POLD1: variants seen among roughly 807,000 people sequenced by gnomAD.
The protein encoded by POLD1 is DNA polymerase delta 1, catalytic subunit.
A neutral mutation model predicts 129.7 loss-of-function variants in POLD1; 79 were observed. That is an observed-to-expected ratio of 0.61 (90% confidence interval 0.51 to 0.73). The LOEUF is 0.73. Ranked by LOEUF, POLD1 falls within the 30% of genes least tolerant of loss-of-function variation. The pLI, the probability that POLD1 is intolerant of heterozygous loss-of-function variation, is 0.00. For synonymous variants in POLD1, 714 were observed against 683.3 expected (o/e 1.04, Z -0.70); for missense variants, 1,338 against 1,595.8 (o/e 0.84, Z 2.75).
rs2038680003 is a variant in POLD1, at chr19:50,402,333, A to G, written c.718A>G (p.Ser240Gly). The G allele has an allele frequency of 6.2e-6, 10 of 1,610,680 alleles. No individual in the cohort carries two copies. The highest frequency in any genetic ancestry group is 8.5e-6 in the Non-Finnish European group (10 of 1,177,644). The change falls in exon 6 of 27, where the codon AGC (serine) becomes GGC (glycine). Residue 240 changes from serine to glycine, a missense_variant. Ser to Gly is a moderately conservative substitution (Grantham distance 56). Coordinates refer to ENST00000440232, the MANE Select transcript of POLD1 (RefSeq NM_002691.4). ...CCGTGTGGCAGGCCTGGGCACGCCC[A>G]GCTTCGCGCCCTACGAGGCCAACGT... is the stretch of plus-strand genomic sequence containing the variant. ...GIRVAGLGTP[S>G]FAPYEANVDF...
rs777119526 is a variant in POLD1 at position 50,409,680 on chromosome 19, C to T, written c.2154+14C>T. ...GAGATCTCACAGGTGGGCACTCGGG[C>T]CCCTGGAAGGCAACTGGGGGCAGGT... On this transcript the variant is annotated intron_variant, in intron 17 of 26. Transcript: ENST00000440232. The surrounding 1 kb of genome is among the most constrained non-coding windows in gnomAD (Gnocchi z 5.8). 3.8e-6 allele frequency: 6 copies of T among 1,581,322 alleles called. No homozygotes were observed. Among genetic ancestry groups the T allele is most frequent in the Non-Finnish European group, 5.2e-6 (6 of 1,163,768 alleles).
At position 50,407,266 on chromosome 19, in the gene POLD1, C is replaced by G. The variant is rs2038929667; in HGVS notation, c.1687-61C>G. 3.2e-6 allele frequency: 5 copies of G among 1,549,802 alleles called. No individual in the cohort carries two copies. The Admixed American group carries it at 8.7e-5, about 27-fold the overall frequency. Reference sequence around the variant, plus strand: ...GCATCCTGGATGCACTTTTTCTCCCCACTCCCAATCCGCACGGCCCCACCT... The same window carrying G: ...GCATCCTGGATGCACTTTTTCTCCCGACTCCCAATCCGCACGGCCCCACCT... On this transcript the variant is annotated intron_variant, in intron 13 of 26. Coordinates refer to ENST00000440232, the MANE Select transcript of POLD1 (RefSeq NM_002691.4).
At position 50,417,914 on chromosome 19, in the gene POLD1, G is replaced by A. The variant is rs753235009; in HGVS notation, c.3291G>A (p.Arg1097=). 9.9e-6 allele frequency: 16 copies of A among 1,611,450 alleles called. No homozygotes were observed. The highest frequency in any genetic ancestry group is 1.7e-5 in the Admixed American group (1 of 59,796). Residue 1097 remains arginine (R), a synonymous_variant, in exon 27 of 27, where the codon CGG becomes CGA. Transcript: ENST00000440232. The stretch of plus-strand genomic sequence containing the variant: ...TGGAAGACCAGGAGCAGCTCCTGCG[G>A]CGCTTCGGACCCCCTGGACCTGAGG... ...KDLEDQEQLL[R]RFGPPGPEAW is the part of the protein sequence containing the mutation.
intron 21 of POLD1, 39 bp downstream of exon 21, chr19:50,415,629 C>T: frequency 6.3e-7 from 1 of 1,597,710 alleles, no homozygotes; most frequent in Non-Finnish European, 8.5e-7. Context: ...GAAATAACCC[C>T]CTCCTTCCTG....
Position 50,403,066 on chromosome 19 carries a change from G to A in POLD1, c.984G>A (p.Glu328=), listed in dbSNP as rs1401103913. The change falls in exon 9 of 27, where the codon GAG becomes GAA. Residue 328 remains glutamate, a synonymous_variant. Coordinates refer to ENST00000440232, the MANE Select transcript of POLD1 (RefSeq NM_002691.4). The part of the protein sequence containing the change: ...ECAGRKGIFP[E]PERDPVIQIC... ...CCTGCCTCGCAGGCATCTTCCCTGAGCCTGAGCGGGACCCTGTCATCCAGA... is the reference window on the plus strand; with the variant it reads ...CCTGCCTCGCAGGCATCTTCCCTGAACCTGAGCGGGACCCTGTCATCCAGA... 1.3e-6 allele frequency: 2 copies of A among 1,560,276 alleles called. No individual in the cohort carries two copies. The highest frequency in any genetic ancestry group is 1.7e-6 in the Non-Finnish European group (2 of 1,151,702).
Position 50,385,163 on chromosome 19 carries a change from T to C in POLD1, c.-2+773T>C, listed in dbSNP as rs1256846262. ...CCCCATGTTTTGAAAAACTCACCAC[T>C]GAGTGGAAATTGGATTGTAGCAGGA... On this transcript the variant is annotated intron_variant, in intron 1 of 26. Coordinates refer to ENST00000440232, the MANE Select transcript of POLD1 (RefSeq NM_002691.4). Among the ~76,000 whole-genome samples, 3 of 152,106 alleles carry C rather than the reference T, an allele frequency of 2.0e-5. No individual in the cohort carries two copies. The East Asian group carries it at 5.8e-4, about 29-fold the overall frequency.
chr19:50,387,170 A>G (rs1391143191), intron 1 of POLD1, among the ~76,000 whole-genome samples: 1 of 152,132 alleles, frequency 6.6e-6, no homozygotes, highest in African/African-American at 2.4e-5. Flanking sequence ...AAAATACACA[A>G]CTAGCTGGAC....
intron 24 of POLD1, 107 bp from the exon 25 acceptor site, chr19:50,416,938 C>A: frequency 7.9e-7 from 1 of 1,273,760 alleles, no homozygotes; most frequent in Non-Finnish European, 1.1e-6. Flanking sequence ...CTCCGTTGTT[C>A]TCCAGCCTCT....
chr19:50,391,959 G>A (rs904573408), intron 1 of POLD1, among the ~76,000 whole-genome samples: 2 of 151,848 alleles, frequency 1.3e-5, no homozygotes, highest in African/African-American at 4.8e-5. Context: ...TCAGGTGATC[G>A]GCCTGCCTCA....
rs3219361 is a variant in POLD1 at position 50,398,093 on chromosome 19, C to T, written c.-1-758C>T. On this transcript the variant is annotated intron_variant, in intron 1 of 26. Transcript: ENST00000440232. ...GAGAGGCGGTGAGAGAGCACACACA[C>T]GACACGCTGACCACCGGGGAGCCTG... is the stretch of plus-strand genomic sequence containing the variant. Among the ~76,000 whole-genome samples the T allele has an allele frequency of 3.3e-3, 503 of 152,112 alleles. 7 individuals are homozygous for T. Among genetic ancestry groups the T allele is most frequent in the African/African-American group, 0.012 (482 of 41,508 alleles).
At chr19:50,391,290 C>T (rs1389404934) in intron 1 of POLD1, among the ~76,000 whole-genome samples, 4 of 152,072 alleles carry the variant, frequency 2.6e-5, no homozygotes, top group Non-Finnish European at 4.4e-5. Flanking sequence ...ACTTCCCAGA[C>T]GGGGTGGCGG....
chr19:50,405,458 G>A (rs972934255), intron 10 of POLD1, among the ~76,000 whole-genome samples: 2 of 152,154 alleles, frequency 1.3e-5, no homozygotes, highest in African/African-American at 4.8e-5. Flanking sequence ...GCTGGGTGTG[G>A]TGGCTCACGC....
At position 50,417,838 on chromosome 19, in the gene POLD1, G is replaced by C. The variant is rs756232002; in HGVS notation, c.3219-4G>C. 6.3e-7 allele frequency: 1 copy of C among 1,576,602 alleles called. No individual in the cohort carries two copies. Among genetic ancestry groups the C allele is most frequent in the African/African-American group, 1.5e-5 (1 of 64,558 alleles). ...CCTGACCCTGCCCCTGCCCCCACCCGCAGCCGGGACTGCCCCATCTTCTAC... is the reference window on the plus strand; with the variant it reads ...CCTGACCCTGCCCCTGCCCCCACCCCCAGCCGGGACTGCCCCATCTTCTAC... On this transcript the variant is annotated splice_polypyrimidine_tract_variant and splice_region_variant and intron_variant, in intron 26 of 26. Transcript: ENST00000440232.
intron 20 of POLD1, 96 bp from the exon 21 acceptor site, chr19:50,415,342 A>T: frequency 7.8e-7 from 1 of 1,278,962 alleles, no homozygotes; most frequent in African/African-American, 1.5e-5. Flanking sequence ...CCTCAGCCCT[A>T]AGAGCTCATC....
chr19:50,417,822 G>GA lies in POLD1; in HGVS notation c.3219-20_3219-19insA. ...CTGGGCCTTGGCTGGTCCTGACCCT[G>GA]CCCCTGCCCCCACCCGCAGCCGGGA... On this transcript the variant is annotated intron_variant, in intron 26 of 26. Transcript: ENST00000440232. The GA allele has an allele frequency of 2.0e-6, 3 of 1,525,274 alleles. No homozygotes were observed. Among genetic ancestry groups the GA allele is most frequent in the African/African-American group, 1.4e-5 (1 of 72,926 alleles). The allele number at this position is 1,525,274 out of a possible 1,614,324, so 94.5% of individuals were successfully genotyped here.
intron 1 of POLD1, among the ~76,000 whole-genome samples, chr19:50,392,219 C>T (rs538898678): frequency 6.6e-6 from 1 of 152,224 alleles, no homozygotes; most frequent in African/African-American, 2.4e-5. Flanking sequence ...TGTAGGTATG[C>T]ACCACCATGC....
intron 1 of POLD1, among the ~76,000 whole-genome samples, chr19:50,386,272 G>T (rs1210341735): frequency 8.6e-5 from 13 of 152,036 alleles, no homozygotes; most frequent in Non-Finnish European, 1.9e-4. Flanking sequence ...CGAGTAGCTG[G>T]GATTACAGGT....
Position 50,398,768 on chromosome 19 carries a change from T to C in POLD1, c.-1-83T>C, listed in dbSNP as rs982902173. 3.9e-6 allele frequency: 6 copies of C among 1,539,264 alleles called. No homozygotes were observed. The African/African-American group carries it at 8.2e-5, about 21-fold the overall frequency. On this transcript the variant is annotated intron_variant, in intron 1 of 26. Transcript: ENST00000440232. ...CAGAGTAGGAAAAGGCTCGTGGTCA[T>C]GGTGGGTGCATGGGATGCCATGGAG... is the stretch of plus-strand genomic sequence containing the variant.
intron 1 of POLD1, chr19:50,395,002 A>AT (rs113163456): frequency 0.024 from 3,241 of 133,406 alleles, 45 homozygotes; most frequent in Middle Eastern, 0.048. Context: ...TGCCCAGCTA[A>AT]TTTTTTTTTT....
Sources: gnomAD v4.1 joint callset for allele counts (sites outside exome capture counted in the v4.1 genomes callset) on GRCh38, gnomAD v4.1.1 for gene constraint, Gnocchi (gnomAD v3.1) non-coding constraint, MANE v1.5 for transcripts, NCBI Gene and HGNC (gene_info 2026-07-23, HGNC 2026-07-21) for gene names.